The following SGCZ variants were observed in gnomAD, a reference collection of about 807,000 sequenced individuals.
The protein encoded by SGCZ is sarcoglycan zeta.
SGCZ carries 40 observed loss-of-function variants against 41.3 expected under a neutral mutation model. The ratio of observed to expected loss-of-function variants is 0.97; its 90% confidence interval spans 0.75 to 1.26. SGCZ has a LOEUF of 1.26. Ranked by LOEUF, SGCZ falls within the 50% of genes most tolerant of loss-of-function variation. The pLI, the probability that SGCZ is intolerant of heterozygous loss-of-function variation, is 0.00. For missense variants in SGCZ, 552 were observed against 369.8 expected (o/e 1.49, Z -4.04); for synonymous variants, 206 against 137.5 (o/e 1.50, Z -3.49).
intron 1 of SGCZ, among the ~76,000 whole-genome samples, chr8:14,997,059 C>G (rs1585452386): frequency 6.6e-6 from 1 of 152,130 alleles, no homozygotes; most frequent in Admixed American, 6.5e-5. Context: ...CCTTAGCTTT[C>G]TCTTTAAAAT....
At chr8:14,241,807 C>G (rs1020439658) in intron 3 of SGCZ, among the ~76,000 whole-genome samples, 1 of 152,176 alleles carries the variant, frequency 6.6e-6, no homozygotes, top group Non-Finnish European at 1.5e-5. Context: ...TTCTTCATGC[C>G]AAGGGCATGG....
At chr8:14,109,787 AT>A (rs910340634) in intron 5 of SGCZ, among the ~76,000 whole-genome samples, 4 of 151,568 alleles carry the variant, frequency 2.6e-5, no homozygotes, top group South Asian at 4.2e-4. Context: ...ACAGGAAGAG[AT>A]TTTTTTTTCA....
intron 1 of SGCZ, among the ~76,000 whole-genome samples, chr8:15,015,792 C>T (rs1360595958): frequency 7.1e-6 from 1 of 139,912 alleles, no homozygotes; most frequent in Non-Finnish European, 1.5e-5. Context: ...TAAGAAATAG[C>T]TTGGTTCTGA....
intron 5 of SGCZ, among the ~76,000 whole-genome samples, chr8:14,163,993 T>G (rs1585192841): frequency 6.6e-6 from 1 of 152,314 alleles, no homozygotes; most frequent in African/African-American, 2.4e-5. Flanking sequence ...TGTCATCAAA[T>G]TATTCCCCAA....
chr8:14,479,063 T>A lies in SGCZ; in HGVS notation c.234+75669A>T, dbSNP rs544513907. On this transcript the variant is annotated intron_variant, in intron 2 of 7. Coordinates refer to ENST00000382080, the MANE Select transcript of SGCZ (RefSeq NM_139167.4). ...AGGATTAAATGGATAGAGGTACATA[T>A]AAAATAGAGTTTATTAAGAAGTATT... Among the ~76,000 whole-genome samples the A allele has an allele frequency of 1.5e-4, 23 of 152,230 alleles. No individual in the cohort carries two copies. In the East Asian group the frequency reaches 4.5e-3, roughly 30 times the overall value.
At chr8:14,108,564 C>A (rs1208141887) in intron 5 of SGCZ, among the ~76,000 whole-genome samples, 1 of 152,066 alleles carries the variant, frequency 6.6e-6, no homozygotes, top group African/African-American at 2.4e-5. Context: ...TCTCGTGAGA[C>A]TTATTCACGA....
chr8:14,441,435 C>T (rs180737890), intron 2 of SGCZ, among the ~76,000 whole-genome samples: 3 of 152,132 alleles, frequency 2.0e-5, no homozygotes, highest in East Asian at 1.9e-4. Flanking sequence ...ATTAGTTGGG[C>T]GTGGTGGCAC....
At chr8:14,277,347 G>GCCTTC (rs57626833) in intron 3 of SGCZ, among the ~76,000 whole-genome samples, 32,757 of 151,818 alleles carry the variant, frequency 0.22, 3,704 homozygotes, top group East Asian at 0.3. Context: ...TACATAGTAT[G>GCCTTC]CCTTCCTCTT....
chr8:15,065,797 G>A (rs944563771), intron 1 of SGCZ, among the ~76,000 whole-genome samples: 2 of 152,030 alleles, frequency 1.3e-5, no homozygotes, highest in African/African-American at 2.4e-5. Flanking sequence ...TGGAGGTCAC[G>A]ATATCTATTT....
At chr8:14,189,949 A>C (rs1805036782) in intron 4 of SGCZ, among the ~76,000 whole-genome samples, 1 of 151,900 alleles carries the variant, frequency 6.6e-6, no homozygotes, top group Non-Finnish European at 1.5e-5. Flanking sequence ...TCCATTTAGC[A>C]TAATGTCCTT....
At position 14,576,351 on chromosome 8, in the gene SGCZ, G is replaced by GA. The variant is rs200708207; in HGVS notation, c.40-21426dup. 6.0e-3 allele frequency among the ~76,000 whole-genome samples: 913 copies of GA among 151,892 alleles called. 10 individuals are homozygous for GA. The highest frequency in any genetic ancestry group is 0.021 in the African/African-American group (863 of 41,446). ...CCTGAAGTGAGCCCTCTAAAGGAGG[G>GA]AAAAAAAACTGAGTTTTAGAATCAG... is the stretch of plus-strand genomic sequence containing the variant. On this transcript the variant is annotated intron_variant, in intron 1 of 7. Coordinates refer to ENST00000382080, the MANE Select transcript of SGCZ (RefSeq NM_139167.4).
intron 2 of SGCZ, among the ~76,000 whole-genome samples, chr8:14,325,630 TATATAATCAC>T (rs1188278107): frequency 1.4e-4 from 20 of 146,888 alleles, no homozygotes; most frequent in Non-Finnish European, 2.7e-4. Context: ...GTTGATCATG[TATATAATCAC>T]ATATAATCAA....
At chr8:14,196,874 A>G (rs983303975) in intron 4 of SGCZ, among the ~76,000 whole-genome samples, 36 of 152,174 alleles carry the variant, frequency 2.4e-4, no homozygotes, top group Admixed American at 3.9e-4. Flanking sequence ...AATATCAAAT[A>G]AATTCTAATT....
At chr8:14,858,376 A>G (rs558183135) in intron 1 of SGCZ, among the ~76,000 whole-genome samples, 3 of 152,210 alleles carry the variant, frequency 2.0e-5, no homozygotes, top group African/African-American at 7.2e-5. Context: ...ACGCTTTTTC[A>G]AATCTCTTTC....
chr8:14,395,720 T>C (rs1798900353), intron 2 of SGCZ, among the ~76,000 whole-genome samples: 1 of 152,162 alleles, frequency 6.6e-6, no homozygotes, highest in African/African-American at 2.4e-5. Flanking sequence ...GTGGGCTACT[T>C]GTTGAATGAA....
chr8:14,150,543 G>T (rs1308218010), intron 5 of SGCZ, among the ~76,000 whole-genome samples: 2 of 152,082 alleles, frequency 1.3e-5, no homozygotes, highest in Non-Finnish European at 2.9e-5. Context: ...AGGATGCAGA[G>T]AAAAGGGAAC....
Position 14,469,701 on chromosome 8 carries a change from G to A in SGCZ, c.234+85031C>T, listed in dbSNP as rs188666027. ...CTTTCAACCTCACCCCTGGCTTTCA[G>A]GGAGGAGATATTGGCTAAAGGTTAA... On this transcript the variant is annotated intron_variant, in intron 2 of 7. Transcript: ENST00000382080. Among the ~76,000 whole-genome samples the A allele has an allele frequency of 1.2e-4, 19 of 152,190 alleles. No individual in the cohort carries two copies. The East Asian group carries it at 3.3e-3, about 26-fold the overall frequency.
At chr8:14,102,324 G>A in intron 7 of SGCZ, 52 bp downstream of exon 7, 2 of 1,352,570 alleles carry the variant, frequency 1.5e-6, no homozygotes, top group Non-Finnish European at 1.9e-6. Context: ...CTAAATACTT[G>A]TGTTTTCAAA....
At chr8:15,113,584 G>A (rs1001134082) in intron 1 of SGCZ, among the ~76,000 whole-genome samples, 2 of 152,120 alleles carry the variant, frequency 1.3e-5, no homozygotes, top group Non-Finnish European at 2.9e-5. Context: ...AAATCATCCA[G>A]AGCATGTCTC....
Sources: allele counts gnomAD v4.1 joint callset (sites outside exome capture counted in the v4.1 genomes callset), GRCh38; gene constraint gnomAD v4.1.1; transcripts MANE v1.5; gene names NCBI Gene and HGNC (gene_info 2026-07-23, HGNC 2026-07-21).